NDRG4: variants seen among roughly 807,000 people sequenced by gnomAD.
The protein encoded by NDRG4 is NDRG family member 4.
NDRG4 carries 38 observed loss-of-function variants against 55.8 expected under a neutral mutation model. That is an observed-to-expected ratio of 0.68 (90% CI 0.53 to 0.89). The LOEUF is 0.89. Ranked by LOEUF, NDRG4 falls within the 40% of genes least tolerant of loss-of-function variation. NDRG4 has a pLI of 0.00. For synonymous variants in NDRG4, 190 were observed against 182.7 expected, an observed-to-expected ratio of 1.04 and a Z score of -0.32; for missense variants, 455 against 468.6, an observed-to-expected ratio of 0.97 and a Z score of 0.27.
chr16:58,483,707 G>GGA (rs2034741913), intron 1 of NDRG4, among the ~76,000 whole-genome samples: 1 of 152,208 alleles, frequency 6.6e-6, no homozygotes, highest in Admixed American at 6.5e-5. Context: ...GGAAAGGCAA[G>GGA]GAACACACTG....
chr16:58,464,640 C>A lies in NDRG4; in HGVS notation c.-24+843C>A. On this transcript the variant is annotated intron_variant, in intron 1 of 15. Coordinates refer to the NDRG4 transcript ENST00000258187. This position sits in a 1 kb window ranked among gnomAD's most constrained non-coding sequence, Gnocchi z 4.8. ...TGCGGAGCCCAGCCCCGGGAGAGGACTTGAGGTTGTGGCGAGTCCCTGGCG... is the reference window on the plus strand; with the variant it reads ...TGCGGAGCCCAGCCCCGGGAGAGGAATTGAGGTTGTGGCGAGTCCCTGGCG... The A allele has an allele frequency of 1.0e-6, 1 of 954,566 alleles. No homozygotes were observed. Among genetic ancestry groups the A allele is most frequent in the Non-Finnish European group, 1.4e-6 (1 of 720,712 alleles). 59.1% of individuals were successfully genotyped at this position (954,566 alleles called of 1,614,324 possible).
In NDRG4 at chr16:58,507,837, G is replaced by T; in HGVS notation, c.650G>T (p.Gly217Val). 1.2e-6 allele frequency: 2 copies of T among 1,614,010 alleles called. No homozygotes were observed. Among genetic ancestry groups the T allele is most frequent in the South Asian group, 2.2e-5 (2 of 91,082 alleles). ...AGAGACCTGGACATTAACCGGCCTG[G>T]AACGGTGCCCAATGCCAAGACGCTC... is the stretch of plus-strand genomic sequence containing the variant. ...SRRDLDINRPGTVPNAKTLRC... is the reference protein window; with the variant it reads ...SRRDLDINRPVTVPNAKTLRC... The change falls in exon 9 of 15, where the codon GGA becomes GTA. Residue 217 changes from glycine (G) to valine (V), a missense_variant. Physicochemically the swap from Gly to Val is moderately radical, Grantham distance 109 (BLOSUM62 -3). Coordinates refer to ENST00000570248, the MANE Select transcript of NDRG4 (RefSeq NM_001242835.2).
intron 2 of NDRG4, among the ~76,000 whole-genome samples, chr16:58,493,896 G>A (rs981955551): frequency 2.1e-4 from 32 of 152,296 alleles, no homozygotes; most frequent in African/African-American, 7.2e-4. Context: ...GGGAGACGGG[G>A]ACCCAGAGTG....
chr16:58,499,107 C>T (rs2036743086), upstream of NDRG4: 3 of 152,864 alleles, frequency 2.0e-5, no homozygotes, highest in African/African-American at 7.2e-5. Context: ...CTGTGCACTT[C>T]TTGGCCTTTC....
upstream of NDRG4, chr16:58,500,005 A>C (rs2036862746): frequency 9.2e-7 from 1 of 1,091,342 alleles, no homozygotes; most frequent in East Asian, 2.8e-5. Context: ...AATTGGAGCC[A>C]GGCTTGTCTC....
At chr16:58,479,071 C>T (rs112759833) in intron 1 of NDRG4, among the ~76,000 whole-genome samples, 1 of 152,076 alleles carries the variant, frequency 6.6e-6, no homozygotes, top group African/African-American at 2.4e-5. Context: ...CTGTGTTGCC[C>T]AGGCTGGAGT....
intron 1 of NDRG4, among the ~76,000 whole-genome samples, chr16:58,466,333 G>C (rs1277994065): frequency 6.6e-6 from 1 of 152,146 alleles, no homozygotes; most frequent in African/African-American, 2.4e-5. Context: ...TGGGTTTTTA[G>C]AGCTCTGCAT....
At chr16:58,489,305 C>T (rs2035496109) in intron 2 of NDRG4, among the ~76,000 whole-genome samples, 1 of 151,952 alleles carries the variant, frequency 6.6e-6, no homozygotes. Flanking sequence ...AAAAAATAAG[C>T]CATGTCACTT....
chr16:58,485,399 T>C (rs1262393050), intron 1 of NDRG4, among the ~76,000 whole-genome samples: 1 of 152,136 alleles, frequency 6.6e-6, no homozygotes, highest in African/African-American at 2.4e-5. Flanking sequence ...CTGCCCACTC[T>C]CAGCCCTTTT....
chr16:58,464,414 C>T lies in NDRG4; in HGVS notation c.-24+617C>T. ...CCCGACGCCGCCACCCAGAGCCGGG[C>T]CGCGCCGGGCGCCGAGATGAAGGTG... On this transcript the variant is annotated intron_variant, in intron 1 of 15. Coordinates refer to the NDRG4 transcript ENST00000258187. This position sits in a 1 kb window ranked among gnomAD's most constrained non-coding sequence, Gnocchi z 4.8. 7.3e-7 allele frequency: 1 copy of T among 1,369,000 alleles called. No individual in the cohort carries two copies. The highest frequency in any genetic ancestry group is 9.4e-7 in the Non-Finnish European group (1 of 1,063,928). 84.8% of individuals were successfully genotyped at this position (1,369,000 alleles called of 1,614,324 possible).
intron 1 of NDRG4, among the ~76,000 whole-genome samples, chr16:58,474,935 G>A (rs1247567691): frequency 6.6e-6 from 1 of 152,218 alleles, no homozygotes; most frequent in African/African-American, 2.4e-5. Flanking sequence ...AGCTCTGGGA[G>A]TTGCTTGGAA....
chr16:58,505,206 G>C (rs997021175), intron 5 of NDRG4, among the ~76,000 whole-genome samples: 2 of 151,904 alleles, frequency 1.3e-5, no homozygotes. Context: ...AAAATTAGCC[G>C]GGCGTAGTGG....
chr16:58,464,525 G>A lies in NDRG4; in HGVS notation c.-24+728G>A. 1 of 1,286,656 alleles carries A rather than the reference G, an allele frequency of 7.8e-7. No homozygotes were observed. The allele number at this position is 1,286,656 out of a possible 1,614,324, so 79.7% of individuals were successfully genotyped here. On this transcript the variant is annotated intron_variant, in intron 1 of 15. Coordinates refer to the NDRG4 transcript ENST00000258187. This position sits in a 1 kb window ranked among gnomAD's most constrained non-coding sequence, Gnocchi z 4.8. The stretch of plus-strand genomic sequence containing the variant: ...CTTTCCGAGTTGGAGCGGACTCCGG[G>A]CGCGGCGGCCGGGGACTGGGGCGGC...
chr16:58,465,026 A>C, intron 1 of NDRG4: 1 of 1,250,324 alleles, frequency 8.0e-7, no homozygotes, highest in Non-Finnish European at 1.0e-6. Context: ...ACTCACATCC[A>C]GGGGGCAGTG....
chr16:58,464,809 G>T lies in NDRG4; in HGVS notation c.-24+1012G>T. 1 of 1,262,962 alleles carries T rather than the reference G, an allele frequency of 7.9e-7. No individual in the cohort carries two copies. The highest frequency in any genetic ancestry group is 1.0e-6 in the Non-Finnish European group (1 of 1,001,260). The allele number at this position is 1,262,962 out of a possible 1,614,324, so 78.2% of individuals were successfully genotyped here. A position where few individuals can be genotyped will look rare whatever the true frequency, so the allele number is the denominator to read the frequency against. ...GCTTGTCCCCTAAGAAAGGACCCGT[G>T]GGCTTCTGGCAGGACCCGCGCCATG... On this transcript the variant is annotated intron_variant, in intron 1 of 15. Coordinates refer to the NDRG4 transcript ENST00000258187. This position sits in a 1 kb window ranked among gnomAD's most constrained non-coding sequence, Gnocchi z 4.8.
Position 58,504,626 on chromosome 16 carries a change from G to A in NDRG4, c.349G>A (p.Ala117Thr). The A allele has an allele frequency of 6.2e-7, 1 of 1,614,178 alleles. No individual in the cohort carries two copies. Among genetic ancestry groups the A allele is most frequent in the South Asian group, 1.1e-5 (1 of 91,080 alleles). The change falls in exon 5 of 15, where the codon GCC (alanine) becomes ACC (threonine). Residue 117 changes from alanine (A) to threonine (T), a missense_variant. Transcript: ENST00000570248. ...YVIGIGVGAG[A>T]YVLAKFALIF... ...GATTGGCATCGGAGTGGGCGCCGGA[G>A]CCTATGTGCTGGCCAAGTTTGCAGT...
At chr16:58,506,322 CAG>C (rs1597323193) in intron 5 of NDRG4, 63 bp from the exon 6 acceptor site, 5 of 1,490,342 alleles carry the variant, frequency 3.4e-6, no homozygotes, top group Non-Finnish European at 3.7e-6. Context: ...GAAGACTTTA[CAG>C]AGTGTTTCTG....
intron 5 of NDRG4, among the ~76,000 whole-genome samples, chr16:58,505,708 A>ATTTTTTTTTTTTT (rs869263659): frequency 4.2e-5 from 3 of 70,626 alleles, no homozygotes; most frequent in African/African-American, 1.2e-4. Flanking sequence ...TGAGGGCTTC[A>ATTTTTTTTTTTTT]TTTTCTTTTT....
chr16:58,465,217 C>T, intron 1 of NDRG4: 1 of 709,350 alleles, frequency 1.4e-6, no homozygotes, highest in Non-Finnish European at 2.2e-6. Context: ...CCGTGTATGT[C>T]AGATGAGCAC....
Sources: allele counts gnomAD v4.1 joint callset (sites outside exome capture counted in the v4.1 genomes callset), GRCh38; gene constraint gnomAD v4.1.1; non-coding constraint Gnocchi (gnomAD v3.1); transcripts MANE v1.5; gene names NCBI Gene and HGNC (gene_info 2026-07-23, HGNC 2026-07-21).